Variants in RABGEF1 observed in about 807,000 individuals in gnomAD.
The protein encoded by RABGEF1 is rab5 GDP/GTP exchange factor.
Under a neutral mutation model 57.3 loss-of-function variants are expected in RABGEF1, and 26 were observed. The ratio of observed to expected loss-of-function variants is 0.45; its 90% CI spans 0.33 to 0.63. The LOEUF (loss-of-function observed/expected upper bound fraction) is 0.63, where lower values mean the gene tolerates loss of function less well. Ranked by LOEUF, RABGEF1 falls within the 20% of genes least tolerant of loss-of-function variation. The pLI is 0.02. For missense variants in RABGEF1, 464 were observed against 607.6 expected (o/e 0.76, Z 2.48); for synonymous variants, 185 against 210.7 (o/e 0.88, Z 1.06).
intron 7 of RABGEF1, among the ~76,000 whole-genome samples, chr7:66,802,591 G>A (rs897796035): frequency 6.6e-6 from 1 of 152,180 alleles, no homozygotes; most frequent in Non-Finnish European, 1.5e-5. Context: ...CTCCTCACAT[G>A]TCTCCTAGTT....
chr7:66,681,255 C>A (rs1789703928), upstream of RABGEF1, among the ~76,000 whole-genome samples: 1 of 152,150 alleles, frequency 6.6e-6, no homozygotes, highest in Non-Finnish European at 1.5e-5. Flanking sequence ...GGACTCAGAG[C>A]AATCAGCATG....
chr7:66,705,198 C>T (rs898563721), intron 1 of RABGEF1, among the ~76,000 whole-genome samples: 5 of 151,976 alleles, frequency 3.3e-5, no homozygotes, highest in Non-Finnish European at 5.9e-5. Flanking sequence ...GTCAGGAGTT[C>T]GAAACAAGCT....
upstream of RABGEF1, among the ~76,000 whole-genome samples, chr7:66,680,709 G>T (rs1382279518): frequency 6.6e-6 from 1 of 152,186 alleles, no homozygotes; most frequent in African/African-American, 2.4e-5. Flanking sequence ...CATTTTGGGA[G>T]ACCAAGGCAG....
intron 1 of RABGEF1, among the ~76,000 whole-genome samples, chr7:66,741,673 C>T (rs1489784882): frequency 1.3e-5 from 2 of 152,168 alleles, no homozygotes; most frequent in Non-Finnish European, 2.9e-5. Context: ...GCTTTCCCCC[C>T]TCTAAACCTA....
chr7:66,656,405 A>C, the RABGEF1 span, among the ~76,000 whole-genome samples: 1 of 152,144 alleles, frequency 6.6e-6, no homozygotes, highest in Non-Finnish European at 1.5e-5. Context: ...GGCATCAGCT[A>C]CTGAGCCTGG....
chr7:66,734,576 G>A (rs564572893), intron 2 of RABGEF1, among the ~76,000 whole-genome samples: 43 of 151,272 alleles, frequency 2.8e-4, no homozygotes, highest in African/African-American at 8.7e-4. Flanking sequence ...GATTACAGGC[G>A]TGAGCCACCA....
At chr7:66,737,417 C>G (rs1257822497), upstream of RABGEF1, among the ~76,000 whole-genome samples, 2 of 150,926 alleles carry the variant, frequency 1.3e-5, no homozygotes, top group Non-Finnish European at 2.9e-5. Flanking sequence ...CCACACCTGG[C>G]TATCCTACGC....
intron 1 of RABGEF1, among the ~76,000 whole-genome samples, chr7:66,767,257 C>G (rs561803072): frequency 3.1e-3 from 465 of 152,032 alleles, no homozygotes; most frequent in Non-Finnish European, 5.2e-3. Context: ...CCCGCCTCAG[C>G]CTCCCAAAGT....
chr7:66,810,812 A>C lies in RABGEF1; in HGVS notation c.*1528A>C, dbSNP rs1168937116. The C allele has an allele frequency of 6.6e-6, 1 of 152,254 alleles. No individual in the cohort carries two copies. Among genetic ancestry groups the C allele is most frequent in the Non-Finnish European group, 1.5e-5 (1 of 68,050 alleles). 9.4% of individuals were successfully genotyped at this position (152,254 alleles called of 1,614,324 possible). ...CAGTATCTTCCTAAGGATGGAGCCC[A>C]AAATTGCAGAGCAGTAACTTTGGAA... is the stretch of plus-strand genomic sequence containing the variant. On this transcript the variant is annotated 3_prime_UTR_variant, in exon 9 of 9. Transcript: ENST00000284957.
chr7:66,809,518 G>T lies in RABGEF1; in HGVS notation c.*234G>T. The T allele has an allele frequency of 2.5e-6, 1 of 397,794 alleles. No homozygotes were observed. Among genetic ancestry groups the T allele is most frequent in the Non-Finnish European group, 4.4e-6 (1 of 229,806 alleles). The allele number at this position is 397,794 out of a possible 1,614,324, so 24.6% of individuals were successfully genotyped here. A position where few individuals can be genotyped will look rare whatever the true frequency, so the allele number is the denominator to read the frequency against. On this transcript the variant is annotated 3_prime_UTR_variant, in exon 9 of 9. Coordinates refer to ENST00000284957, the MANE Select transcript of RABGEF1 (RefSeq NM_014504.3). ...CATTTAAGGCTTGTGTGCAAATTTT[G>T]TCTCAATCTTTTTTCCCTCCATGAT...
intron 1 of RABGEF1, among the ~76,000 whole-genome samples, chr7:66,688,978 A>AG (rs1441881522): frequency 1.9e-4 from 29 of 152,198 alleles, no homozygotes; most frequent in African/African-American, 6.8e-4. Flanking sequence ...CTGTAATCCC[A>AG]GCTACTTGGG....
At chr7:66,744,912 G>A (rs568701166) in intron 1 of RABGEF1, among the ~76,000 whole-genome samples, 1 of 151,986 alleles carries the variant, frequency 6.6e-6, no homozygotes, top group Non-Finnish European at 1.5e-5. Flanking sequence ...AATGTTATCA[G>A]CCGCACACGG....
Position 66,809,187 on chromosome 7 carries a change from T to A in RABGEF1, c.1379T>A (p.Ile460Asn), listed in dbSNP as rs761810468. 6.2e-7 allele frequency: 1 copy of A among 1,614,190 alleles called. No individual in the cohort carries two copies. Among genetic ancestry groups the A allele is most frequent in the Non-Finnish European group, 8.5e-7 (1 of 1,180,040 alleles). ...QDIVEKYPLEIKPPNQPLAAI... is the reference protein window; with the variant it reads ...QDIVEKYPLENKPPNQPLAAI... ...ATCGTTGAGAAATACCCACTGGAAATTAAGCCTCCGAATCAACCGTTAGCA... is the reference window on the plus strand; with the variant it reads ...ATCGTTGAGAAATACCCACTGGAAAATAAGCCTCCGAATCAACCGTTAGCA... Residue 460 changes from isoleucine to asparagine, a missense_variant, in exon 9 of 9, where the codon ATT becomes AAT. Transcript: ENST00000284957.
At chr7:66,757,729 A>G (rs1237710014) in intron 1 of RABGEF1, among the ~76,000 whole-genome samples, 1 of 152,174 alleles carries the variant, frequency 6.6e-6, no homozygotes, top group African/African-American at 2.4e-5. Flanking sequence ...CTCCTGCCTC[A>G]GCCTCCTGAG....
intron 2 of RABGEF1, among the ~76,000 whole-genome samples, chr7:66,728,566 A>C (rs1584974945): frequency 6.6e-6 from 1 of 151,918 alleles, no homozygotes; most frequent in Non-Finnish European, 1.5e-5. Flanking sequence ...CATTTCTTCC[A>C]CCATCACCTC....
At chr7:66,750,823 C>T (rs1348432690) in intron 1 of RABGEF1, among the ~76,000 whole-genome samples, 1 of 152,192 alleles carries the variant, frequency 6.6e-6, no homozygotes, top group African/African-American at 2.4e-5. Flanking sequence ...GCAAAGATTT[C>T]AGTTTCATTC....
chr7:66,808,360 C>T (rs1166327225), intron 8 of RABGEF1, among the ~76,000 whole-genome samples: 6 of 152,042 alleles, frequency 3.9e-5, no homozygotes, highest in African/African-American at 1.2e-4. Flanking sequence ...GGATTACAGG[C>T]GCCCACAACT....
intron 6 of RABGEF1, among the ~76,000 whole-genome samples, chr7:66,798,822 C>A (rs550938727): frequency 6.6e-6 from 1 of 152,224 alleles, no homozygotes; most frequent in South Asian, 2.1e-4. Context: ...ATTAGCTGGG[C>A]ATGGAGGTGG....
intron 2 of RABGEF1, among the ~76,000 whole-genome samples, chr7:66,712,789 T>A (rs1794920129): frequency 6.6e-6 from 1 of 151,816 alleles, no homozygotes; most frequent in African/African-American, 2.4e-5. Flanking sequence ...TGAAGATTTC[T>A]TGAGATTTTT....
Sources: allele counts gnomAD v4.1 joint callset (sites outside exome capture counted in the v4.1 genomes callset), GRCh38; gene constraint gnomAD v4.1.1; transcripts MANE v1.5; gene names NCBI Gene and HGNC (gene_info 2026-07-23, HGNC 2026-07-21).